KCNMB2: variants seen among roughly 807,000 people sequenced by gnomAD.
The protein encoded by KCNMB2 is potassium calcium-activated channel subfamily M regulatory beta subunit 2.
In KCNMB2, 9 loss-of-function variants were observed where a neutral mutation model predicts 24.5. That is an observed-to-expected ratio of 0.37 (90% confidence interval 0.22 to 0.64). The LOEUF (loss-of-function observed/expected upper bound fraction) is 0.64, where lower values mean the gene tolerates loss of function less well. Ranked by LOEUF, KCNMB2 falls within the 30% of genes least tolerant of loss-of-function variation. KCNMB2 has a pLI of 0.63. For synonymous variants in KCNMB2, 109 were observed against 104.4 expected (o/e 1.04, Z -0.27); for missense variants, 226 against 284.3 (o/e 0.79, Z 1.47).
chr3:178,692,838 G>A (rs946431018), intron 1 of KCNMB2, among the ~76,000 whole-genome samples: 4 of 152,160 alleles, frequency 2.6e-5, no homozygotes, highest in African/African-American at 9.7e-5. Context: ...ATTGCTTTGG[G>A]CACTATGGCC....
Position 178,825,632 on chromosome 3 carries a change from G to A in KCNMB2, c.101G>A (p.Arg34Lys), listed in dbSNP as rs751033991. The change falls in exon 3 of 5, where the codon AGG becomes AAG. Residue 34 changes from arginine (R) to lysine (K), a missense_variant. By Grantham distance (26) the Arg-to-Lys change is conservative. Coordinates refer to ENST00000452583, the MANE Select transcript of KCNMB2 (RefSeq NM_181361.3). ...KIRDHDLLDK[R>K]KTVTALKAGE... Reference sequence around the variant, plus strand: ...AGGGACCATGACCTCCTGGACAAAAGGAAAACAGTCACAGCACTGAAGGCA... The same window carrying A: ...AGGGACCATGACCTCCTGGACAAAAAGAAAACAGTCACAGCACTGAAGGCA... 7.4e-6 allele frequency: 12 copies of A among 1,613,936 alleles called. No individual in the cohort carries two copies. In the South Asian group the frequency reaches 1.3e-4, roughly 18 times the overall value.
At chr3:178,793,602 C>A (rs575954853) in intron 1 of KCNMB2, among the ~76,000 whole-genome samples, 1 of 151,980 alleles carries the variant, frequency 6.6e-6, no homozygotes, top group South Asian at 2.1e-4. Flanking sequence ...AAGGTTGATA[C>A]ACTCCCTGAA....
At position 178,609,305 on chromosome 3, in the gene KCNMB2, C is replaced by T. The variant is rs540305954; in HGVS notation, c.-68+72594C>T. Among the ~76,000 whole-genome samples the T allele has an allele frequency of 9.2e-5, 14 of 152,206 alleles. No homozygotes were observed. The South Asian group carries it at 2.9e-3, about 32-fold the overall frequency. ...TGACTTCTTTTGAGAAATGTCTATT[C>T]AAATCTTGTGCCCATTTTTTGATAA... On this transcript the variant is annotated intron_variant, in intron 1 of 4. Transcript: ENST00000452583.
Position 178,728,970 on chromosome 3 carries a change from T to C in KCNMB2, c.-67-78373T>C, listed in dbSNP as rs142846574. ...TGGTAAGTTGATACATAGCTCTACT[T>C]AACTCTTTAGGAGAAAGGTCTGTGT... is the stretch of plus-strand genomic sequence containing the variant. On this transcript the variant is annotated intron_variant, in intron 1 of 4. Coordinates refer to ENST00000452583, the MANE Select transcript of KCNMB2 (RefSeq NM_181361.3). Among the ~76,000 whole-genome samples, 284 of 152,258 alleles carry C rather than the reference T, an allele frequency of 1.9e-3. 1 individual carries two copies. Among genetic ancestry groups the C allele is most frequent in the South Asian group, 1.7e-3 (8 of 4,818 alleles).
chr3:178,541,202 T>G (rs1225558943), intron 1 of KCNMB2, among the ~76,000 whole-genome samples: 3 of 152,220 alleles, frequency 2.0e-5, no homozygotes, highest in Non-Finnish European at 4.4e-5. Context: ...CATCACTGAT[T>G]CCAATCCATG....
At chr3:178,545,133 G>A (rs930720854) in intron 1 of KCNMB2, among the ~76,000 whole-genome samples, 1 of 152,086 alleles carries the variant, frequency 6.6e-6, no homozygotes, top group Admixed American at 6.6e-5. Context: ...GGGAAGGAAA[G>A]AGCAGCTTGT....
chr3:178,566,170 G>A (rs1321825691), intron 1 of KCNMB2, among the ~76,000 whole-genome samples: 1 of 152,094 alleles, frequency 6.6e-6, no homozygotes, highest in Non-Finnish European at 1.5e-5. Context: ...AGATGAAAAT[G>A]CTCAAGGCTG....
chr3:178,594,451 T>C (rs1033886589), intron 1 of KCNMB2, among the ~76,000 whole-genome samples: 5 of 152,112 alleles, frequency 3.3e-5, no homozygotes, highest in South Asian at 2.1e-4. Flanking sequence ...GATTTGCTGG[T>C]GAATTGATGT....
intron 1 of KCNMB2, among the ~76,000 whole-genome samples, chr3:178,716,660 C>A (rs1168246153): frequency 6.6e-6 from 1 of 152,106 alleles, no homozygotes; most frequent in African/African-American, 2.4e-5. Flanking sequence ...CCAGGCTGGT[C>A]TCGAACTCCT....
At chr3:178,815,535 A>G (rs1472804451) in intron 2 of KCNMB2, among the ~76,000 whole-genome samples, 8 of 152,146 alleles carry the variant, frequency 5.3e-5, no homozygotes, top group Admixed American at 5.2e-4. Context: ...CTATTCATTC[A>G]TATGTTATAC....
intron 1 of KCNMB2, among the ~76,000 whole-genome samples, chr3:178,587,960 A>G (rs553010442): frequency 1.2e-4 from 16 of 137,756 alleles, no homozygotes; most frequent in Admixed American, 1.2e-3. Flanking sequence ...TCACTGTTCA[A>G]TTCCCACCTA....
At chr3:178,802,729 T>C (rs1216666185) in intron 1 of KCNMB2, among the ~76,000 whole-genome samples, 2 of 152,132 alleles carry the variant, frequency 1.3e-5, no homozygotes, top group African/African-American at 4.8e-5. Context: ...ATAATTCTAA[T>C]GTGTGACCAG....
intron 1 of KCNMB2, among the ~76,000 whole-genome samples, chr3:178,542,619 C>T (rs1715656914): frequency 6.6e-6 from 1 of 152,054 alleles, no homozygotes; most frequent in African/African-American, 2.4e-5. Flanking sequence ...TATTTGATGA[C>T]TGAAGGCTAC....
At chr3:178,792,496 AGAAG>A (rs1273550598) in intron 1 of KCNMB2, among the ~76,000 whole-genome samples, 1 of 152,204 alleles carries the variant, frequency 6.6e-6, no homozygotes, top group African/African-American at 2.4e-5. Flanking sequence ...CGGGAAGAAA[AGAAG>A]GAAGAAAGAG....
intron 1 of KCNMB2, among the ~76,000 whole-genome samples, chr3:178,551,815 G>A (rs933108078): frequency 6.6e-6 from 1 of 152,172 alleles, no homozygotes; most frequent in Admixed American, 6.5e-5. Flanking sequence ...GCTTGCCCAA[G>A]GTACACAACT....
intron 1 of KCNMB2, among the ~76,000 whole-genome samples, chr3:178,777,106 A>T (rs1038104465): frequency 1.1e-4 from 17 of 152,196 alleles, no homozygotes; most frequent in African/African-American, 4.1e-4. Flanking sequence ...AGATTATGCC[A>T]TGTGAAGAAT....
intron 1 of KCNMB2, among the ~76,000 whole-genome samples, chr3:178,685,098 A>G (rs1029990971): frequency 3.9e-5 from 5 of 128,200 alleles, no homozygotes; most frequent in African/African-American, 1.1e-4. Context: ...TGCCTACCCA[A>G]CTCCACCTGG....
intron 1 of KCNMB2, among the ~76,000 whole-genome samples, chr3:178,658,873 A>G (rs576177178): frequency 3.3e-5 from 5 of 152,324 alleles, no homozygotes; most frequent in Admixed American, 1.3e-4. Flanking sequence ...AATTAGGATA[A>G]TCTCATTAAG....
intron 1 of KCNMB2, among the ~76,000 whole-genome samples, chr3:178,749,997 A>G (rs957425997): frequency 5.3e-5 from 8 of 152,236 alleles, no homozygotes; most frequent in African/African-American, 1.9e-4. Flanking sequence ...AAATCACAGT[A>G]GAACTACAGG....
Sources: allele counts gnomAD v4.1 joint callset (sites outside exome capture counted in the v4.1 genomes callset), GRCh38; gene constraint gnomAD v4.1.1; transcripts MANE v1.5; gene names NCBI Gene and HGNC (gene_info 2026-07-23, HGNC 2026-07-21).